The following THSD7B variants were observed in gnomAD, a reference collection of about 807,000 sequenced individuals.
THSD7B encodes the protein thrombospondin type-1 domain-containing protein 7B.
A neutral mutation model predicts 213.6 loss-of-function variants in THSD7B; 138 were observed. The observed-to-expected ratio is 0.65, with a 90% confidence interval of 0.56 to 0.74. THSD7B has a LOEUF of 0.74. Ranked by LOEUF, THSD7B falls within the 30% of genes least tolerant of loss-of-function variation. The pLI is 0.00. For synonymous variants in THSD7B, 742 were observed against 687.0 expected, an observed-to-expected ratio of 1.08 and a Z score of -1.25; for missense variants, 1,931 against 1,991.5, an observed-to-expected ratio of 0.97 and a Z score of 0.58.
At chr2:136,952,178 TA>T (rs1455939843) in intron 2 of THSD7B, among the ~76,000 whole-genome samples, 1 of 152,052 alleles carries the variant, frequency 6.6e-6, no homozygotes, top group East Asian at 1.9e-4. Flanking sequence ...GTTTTTTTAT[TA>T]AATGTGTTTT....
At chr2:137,153,078 G>C (rs1228164327) in intron 5 of THSD7B, among the ~76,000 whole-genome samples, 1 of 152,086 alleles carries the variant, frequency 6.6e-6, no homozygotes, top group Middle Eastern at 3.2e-3. Context: ...TTTCAAAAGG[G>C]GGACAGAGGA....
chr2:137,411,695 T>C lies in THSD7B; in HGVS notation c.2782T>C (p.Ser928Pro), dbSNP rs1558788436. 1.2e-6 allele frequency: 2 copies of C among 1,613,988 alleles called. No homozygotes were observed. The highest frequency in any genetic ancestry group is 1.7e-6 in the Non-Finnish European group (2 of 1,179,896). Residue 928 changes from serine to proline, a missense_variant, in exon 14 of 28, where the codon TCC becomes CCC. Coordinates refer to ENST00000409968, the MANE Select transcript of THSD7B (RefSeq NM_001316349.2). ...ACTATGTCCTTGTGATGAATTTATA[T>C]CCCAACCTTATGGAAACTGGTCAGA... ...TELCPCDEFI[S>P]QPYGNWSDCI...
intron 2 of THSD7B, among the ~76,000 whole-genome samples, chr2:136,900,587 C>A (rs114873578): frequency 1.2e-4 from 19 of 152,264 alleles, no homozygotes; most frequent in African/African-American, 4.6e-4. Context: ...AAAAAGGGAT[C>A]TGTTTCCTAT....
At chr2:137,312,385 A>T (rs1683938998) in intron 12 of THSD7B, among the ~76,000 whole-genome samples, 3 of 146,940 alleles carry the variant, frequency 2.0e-5, no homozygotes, top group African/African-American at 5.1e-5. Flanking sequence ...TGTCTATTTG[A>T]TTCTTCTCTC....
intron 3 of THSD7B, among the ~76,000 whole-genome samples, chr2:137,070,956 C>G: frequency 6.6e-6 from 1 of 152,202 alleles, no homozygotes; most frequent in East Asian, 1.9e-4. Context: ...TTAATCCAAT[C>G]TGTCGTTGTT....
chr2:137,319,392 C>G (rs1684213577), intron 12 of THSD7B, among the ~76,000 whole-genome samples: 1 of 152,068 alleles, frequency 6.6e-6, no homozygotes, highest in Non-Finnish European at 1.5e-5. Context: ...ATGTCCACCT[C>G]CAGGTTCAAG....
At chr2:137,604,446 A>G (rs1682134699) in intron 17 of THSD7B, among the ~76,000 whole-genome samples, 1 of 152,044 alleles carries the variant, frequency 6.6e-6, no homozygotes, top group African/African-American at 2.4e-5. Flanking sequence ...TGTGATTTTT[A>G]TTTCATCTAA....
chr2:137,192,743 T>A (rs1680681835), intron 7 of THSD7B, among the ~76,000 whole-genome samples: 1 of 152,174 alleles, frequency 6.6e-6, no homozygotes, highest in South Asian at 2.1e-4. Context: ...ATTTAACAAA[T>A]CTTGATAATA....
At chr2:136,855,412 C>G (rs1317012111) in intron 1 of THSD7B, among the ~76,000 whole-genome samples, 2 of 151,558 alleles carry the variant, frequency 1.3e-5, no homozygotes, top group African/African-American at 4.9e-5. Flanking sequence ...TGGCACCTGC[C>G]TGTTTCCCTT....
rs1387447121 is a variant in THSD7B, at chr2:137,638,325, A to G, written c.3800-4163A>G. Among the ~76,000 whole-genome samples, 6 of 152,116 alleles carry G rather than the reference A, an allele frequency of 3.9e-5. No homozygotes were observed. The East Asian group carries it at 1.2e-3, about 29-fold the overall frequency. On this transcript the variant is annotated intron_variant, in intron 20 of 27. Transcript: ENST00000409968. ...ATTCTTATGATAGTGAATAAGTCTC[A>G]TGAGATATGATGGGTTTATCAGGGG...
chr2:137,586,169 T>C lies in THSD7B; in HGVS notation c.3423+13613T>C, dbSNP rs1367540345. On this transcript the variant is annotated intron_variant, in intron 17 of 27. Coordinates refer to ENST00000409968, the MANE Select transcript of THSD7B (RefSeq NM_001316349.2). ...ACTAGGATTGCAACCCCTGCCTTTT[T>C]TTGTTTTCCATTTGCTTGGTAGATC... is the stretch of plus-strand genomic sequence containing the variant. Among the ~76,000 whole-genome samples the C allele has an allele frequency of 4.6e-5, 7 of 152,204 alleles. No individual in the cohort carries two copies. In the East Asian group the frequency reaches 1.4e-3, roughly 29 times the overall value.
chr2:137,587,818 C>A (rs1015253343), intron 17 of THSD7B, among the ~76,000 whole-genome samples: 1 of 152,182 alleles, frequency 6.6e-6, no homozygotes, highest in Non-Finnish European at 1.5e-5. Context: ...GTCCATTCTC[C>A]GATCTCAAAC....
chr2:137,670,919 T>G (rs1558878628), intron 27 of THSD7B, among the ~76,000 whole-genome samples: 1 of 17,052 alleles, frequency 5.9e-5, no homozygotes, highest in Non-Finnish European at 1.1e-4. Flanking sequence ...AGACTCCGCC[T>G]CAAAAAAAAA....
intron 1 of THSD7B, among the ~76,000 whole-genome samples, chr2:136,868,240 TA>T (rs1683377958): frequency 6.6e-6 from 1 of 152,212 alleles, no homozygotes; most frequent in Admixed American, 6.5e-5. Context: ...AAAAAGAATT[TA>T]AAAATGCCTT....
intron 16 of THSD7B, among the ~76,000 whole-genome samples, chr2:137,571,041 C>T (rs952403227): frequency 2.0e-5 from 3 of 152,128 alleles, no homozygotes; most frequent in African/African-American, 7.2e-5. Flanking sequence ...TGAATTTTAA[C>T]AATGTGAACA....
chr2:137,019,844 T>TA (rs775071359), intron 2 of THSD7B, among the ~76,000 whole-genome samples: 3 of 152,202 alleles, frequency 2.0e-5, no homozygotes, highest in Non-Finnish European at 4.4e-5. Flanking sequence ...AGTGCAGGGA[T>TA]AAAAGCACAG....
intron 5 of THSD7B, among the ~76,000 whole-genome samples, chr2:137,144,385 T>C (rs722412): frequency 0.059 from 9,017 of 152,162 alleles, 285 homozygotes; most frequent in Admixed American, 0.077. Flanking sequence ...ATAACCACAC[T>C]AATTTATTTA....
chr2:136,913,970 C>A (rs1684309188), intron 2 of THSD7B, among the ~76,000 whole-genome samples: 1 of 152,206 alleles, frequency 6.6e-6, no homozygotes, highest in Non-Finnish European at 1.5e-5. Context: ...TGTAGATCCA[C>A]TGACAGCTTG....
At chr2:136,823,100 G>A (rs1276558166) in intron 1 of THSD7B, among the ~76,000 whole-genome samples, 1 of 152,134 alleles carries the variant, frequency 6.6e-6, no homozygotes, top group East Asian at 1.9e-4. Context: ...TTAGTTGGTT[G>A]GTTATTTAAC....
Sources: allele counts gnomAD v4.1 joint callset (sites outside exome capture counted in the v4.1 genomes callset), GRCh38; gene constraint gnomAD v4.1.1; transcripts MANE v1.5; gene names NCBI Gene and HGNC (gene_info 2026-07-23, HGNC 2026-07-21).